The following CRB1 variants were observed in gnomAD, a reference collection of about 807,000 sequenced individuals.
The protein encoded by CRB1 is crumbs cell polarity complex component 1.
CRB1 carries 83 observed loss-of-function variants against 120.0 expected under a neutral mutation model. The observed-to-expected ratio is 0.69, with a 90% CI of 0.58 to 0.83. The LOEUF is 0.83. CRB1 is among the 40% of genes least tolerant of loss of function. CRB1 has a pLI of 0.00. For synonymous variants in CRB1, 625 were observed against 612.5 expected, an observed-to-expected ratio of 1.02 and a Z score of -0.30; for missense variants, 1,699 against 1,687.6, an observed-to-expected ratio of 1.01 and a Z score of -0.12.
At chr1:197,302,596 TG>T (rs1309454405) in intron 1 of CRB1, among the ~76,000 whole-genome samples, 2 of 152,152 alleles carry the variant, frequency 1.3e-5, no homozygotes, top group Non-Finnish European at 2.9e-5. Flanking sequence ...GTGAGCTAAA[TG>T]TTAGGAGTGA....
At chr1:197,297,534 G>A (rs1299320640) in intron 1 of CRB1, among the ~76,000 whole-genome samples, 3 of 152,036 alleles carry the variant, frequency 2.0e-5, no homozygotes, top group Non-Finnish European at 2.9e-5. Flanking sequence ...GACCAGTAGC[G>A]TTGCTATGTT....
intron 4 of CRB1, among the ~76,000 whole-genome samples, chr1:197,353,481 G>C (rs1660223270): frequency 6.6e-6 from 1 of 152,170 alleles, no homozygotes; most frequent in Non-Finnish European, 1.5e-5. Flanking sequence ...ATATTGCAAA[G>C]GGCCTTAGGC....
At chr1:197,248,191 G>A in the CRB1 span, among the ~76,000 whole-genome samples, 1 of 151,880 alleles carries the variant, frequency 6.6e-6, no homozygotes, top group Non-Finnish European at 1.5e-5. Flanking sequence ...ACTGAGTTCC[G>A]AGGTTTGTGA....
chr1:197,221,618 G>A, the CRB1 span, among the ~76,000 whole-genome samples: 1 of 152,148 alleles, frequency 6.6e-6, no homozygotes, highest in East Asian at 1.9e-4. Context: ...ATTTCTCACT[G>A]ATTAGTAGTA....
At chr1:197,431,925 T>C (rs1222368276) in intron 8 of CRB1, among the ~76,000 whole-genome samples, 1 of 152,190 alleles carries the variant, frequency 6.6e-6, no homozygotes, top group Non-Finnish European at 1.5e-5. Context: ...CTTATGACTC[T>C]ATTATATTTT....
chr1:197,225,931 G>C, the CRB1 span, among the ~76,000 whole-genome samples: 3 of 151,362 alleles, frequency 2.0e-5, no homozygotes, highest in East Asian at 3.9e-4. Context: ...GACGGTAATC[G>C]CACTCTGTCA....
chr1:197,455,630 C>T (rs1462257901), intron 11 of CRB1, among the ~76,000 whole-genome samples: 2 of 152,052 alleles, frequency 1.3e-5, no homozygotes, highest in Non-Finnish European at 2.9e-5. Context: ...ATGTAGAAGA[C>T]TGTAGGAATT....
chr1:197,279,631 C>A (rs1192689601), intron 1 of CRB1, among the ~76,000 whole-genome samples: 1 of 150,588 alleles, frequency 6.6e-6, no homozygotes, highest in Non-Finnish European at 1.5e-5. Flanking sequence ...CTTCAGTTAG[C>A]AGGCTAGCTA....
the CRB1 span, among the ~76,000 whole-genome samples, chr1:197,256,274 C>T: frequency 6.6e-6 from 1 of 151,680 alleles, no homozygotes; most frequent in Non-Finnish European, 1.5e-5. Flanking sequence ...TCACTGGCTG[C>T]TTTTTCTTGG....
chr1:197,442,453 C>A, intron 11 of CRB1, 161 bp downstream of exon 11: 1 of 1,545,788 alleles, frequency 6.5e-7, no homozygotes. Flanking sequence ...AAAAAAAAAG[C>A]CATTGAATTT....
At chr1:197,384,744 T>A (rs934703407) in intron 5 of CRB1, among the ~76,000 whole-genome samples, 16 of 152,096 alleles carry the variant, frequency 1.1e-4, no homozygotes, top group African/African-American at 2.9e-4. Flanking sequence ...CATTTCCCAC[T>A]TAATTGTTTA....
intron 5 of CRB1, among the ~76,000 whole-genome samples, chr1:197,405,138 C>T (rs1475411780): frequency 2.6e-5 from 4 of 152,092 alleles, no homozygotes; most frequent in Non-Finnish European, 5.9e-5. Flanking sequence ...CGAAGCTGGA[C>T]TGTACTGCTG....
chr1:197,470,191 G>A (rs888845891), intron 11 of CRB1, among the ~76,000 whole-genome samples: 1 of 152,174 alleles, frequency 6.6e-6, no homozygotes, highest in African/African-American at 2.4e-5. Context: ...AGGTGCCAGG[G>A]AAACAATTGG....
intron 4 of CRB1, among the ~76,000 whole-genome samples, chr1:197,351,187 C>CAAAA (rs780090689): frequency 3.5e-5 from 3 of 85,372 alleles, no homozygotes; most frequent in East Asian, 3.5e-4. Flanking sequence ...ACTAAAAATA[C>CAAAA]AAAAAAAAAA....
chr1:197,447,144 C>T (rs908887193), intron 11 of CRB1, among the ~76,000 whole-genome samples: 1 of 152,184 alleles, frequency 6.6e-6, no homozygotes, highest in Non-Finnish European at 1.5e-5. Flanking sequence ...TCTCACAAGA[C>T]AGCATTCAAG....
chr1:197,473,454 G>A (rs1232821128), intron 11 of CRB1, among the ~76,000 whole-genome samples: 1 of 152,104 alleles, frequency 6.6e-6, no homozygotes, highest in Non-Finnish European at 1.5e-5. Flanking sequence ...TAATGTTTCA[G>A]AATAAATTCT....
chr1:197,248,837 A>G, the CRB1 span, among the ~76,000 whole-genome samples: 1 of 151,958 alleles, frequency 6.6e-6, no homozygotes, highest in African/African-American at 2.4e-5. Context: ...TTAAAACAAA[A>G]TGTGATGAAA....
chr1:197,264,972 C>A (rs1356329481), upstream of CRB1, among the ~76,000 whole-genome samples: 1 of 152,052 alleles, frequency 6.6e-6, no homozygotes, highest in Non-Finnish European at 1.5e-5. Context: ...CAGTTATTTT[C>A]TTTGATTCTT....
intron 5 of CRB1, among the ~76,000 whole-genome samples, chr1:197,366,718 G>A (rs531999888): frequency 6.6e-6 from 1 of 152,262 alleles, no homozygotes; most frequent in East Asian, 1.9e-4. Flanking sequence ...CCCTGAAGGA[G>A]GATTAACTTT....
Sources: allele counts gnomAD v4.1 joint callset (sites outside exome capture counted in the v4.1 genomes callset), GRCh38; gene constraint gnomAD v4.1.1; transcripts MANE v1.5; gene names NCBI Gene and HGNC (gene_info 2026-07-23, HGNC 2026-07-21).